The following PSMD14 variants were observed in gnomAD, a reference collection of about 807,000 sequenced individuals.
The protein encoded by PSMD14 is proteasome 26S subunit, non-ATPase 14, also known as ubiquitin C-terminal hydrolase PSMD14.
Under a neutral mutation model 41.2 loss-of-function variants are expected in PSMD14, and 7 were observed. The observed-to-expected ratio is 0.17, with a 90% CI of 0.10 to 0.32. PSMD14 has a LOEUF of 0.32. Ranked by LOEUF, PSMD14 falls within the 10% of genes least tolerant of loss-of-function variation. PSMD14 has a pLI of 1.00. For missense variants in PSMD14, 139 were observed against 375.6 expected (o/e 0.37, Z 5.21); for synonymous variants, 114 against 122.3 (o/e 0.93, Z 0.45).
At chr2:161,362,241 A>G (rs142676427) in intron 3 of PSMD14, among the ~76,000 whole-genome samples, 95 of 112,506 alleles carry the variant, frequency 8.4e-4, no homozygotes, top group African/African-American at 3.2e-3. Context: ...AAAGTTGTTC[A>G]AAAAACTAAT....
chr2:161,317,819 A>C (rs1337047665), intron 2 of PSMD14, among the ~76,000 whole-genome samples: 1 of 152,230 alleles, frequency 6.6e-6, no homozygotes, highest in Non-Finnish European at 1.5e-5. Context: ...ATAATTTGTA[A>C]TAATACCATT....
At chr2:161,404,442 A>C (rs1249336859) in intron 10 of PSMD14, among the ~76,000 whole-genome samples, 1 of 152,146 alleles carries the variant, frequency 6.6e-6, no homozygotes, top group Non-Finnish European at 1.5e-5. Flanking sequence ...TATAAACTAA[A>C]ATTTAAGGAA....
chr2:161,369,422 GC>G (rs1442323000), intron 5 of PSMD14, among the ~76,000 whole-genome samples: 1 of 151,910 alleles, frequency 6.6e-6, no homozygotes, highest in Non-Finnish European at 1.5e-5. Context: ...AACATTCTTA[GC>G]CTATAAGCAG....
chr2:161,324,988 C>T (rs1461716798), intron 3 of PSMD14, among the ~76,000 whole-genome samples: 1 of 152,034 alleles, frequency 6.6e-6, no homozygotes, highest in Non-Finnish European at 1.5e-5. Context: ...CTCTTTTAGC[C>T]AGGTCCATTA....
Position 161,391,153 on chromosome 2 carries a change from A to G in PSMD14, c.620A>G (p.Tyr207Cys). 1 of 1,536,238 alleles carries G rather than the reference A, an allele frequency of 6.5e-7. No individual in the cohort carries two copies. The highest frequency in any genetic ancestry group is 2.0e-5 in the Admixed American group (1 of 49,048). Residue 207 changes from tyrosine to cysteine, a missense_variant, in exon 9 of 12, where the codon TAT becomes TGT. By Grantham distance (194) the Tyr-to-Cys change is radical. Coordinates refer to ENST00000409682, the MANE Select transcript of PSMD14 (RefSeq NM_005805.6). ...NRHYYSITIN[Y>C]RKNELEQKML... ...CATTATTACTCCATTACTATTAACTATCGGAAAAATGAACTGGAACAGAAG... is the reference window on the plus strand; with the variant it reads ...CATTATTACTCCATTACTATTAACTGTCGGAAAAATGAACTGGAACAGAAG...
chr2:161,339,635 C>T (rs1231115249), intron 3 of PSMD14, among the ~76,000 whole-genome samples: 3 of 151,972 alleles, frequency 2.0e-5, no homozygotes, highest in African/African-American at 7.3e-5. Context: ...TCCAGACAAA[C>T]CTAGATAGCT....
At chr2:161,393,516 C>T (rs1267149214) in intron 9 of PSMD14, among the ~76,000 whole-genome samples, 14 of 152,074 alleles carry the variant, frequency 9.2e-5, no homozygotes, top group Admixed American at 9.2e-4. Context: ...TGACAGGCAG[C>T]TTATTTTCCA....
chr2:161,364,961 T>G (rs527611868), intron 3 of PSMD14, among the ~76,000 whole-genome samples: 1 of 152,102 alleles, frequency 6.6e-6, no homozygotes, highest in African/African-American at 2.4e-5. Context: ...AAAATCAGCC[T>G]GGCGTGGTGA....
At chr2:161,363,229 C>G (rs1683314270) in intron 3 of PSMD14, among the ~76,000 whole-genome samples, 1 of 152,204 alleles carries the variant, frequency 6.6e-6, no homozygotes, top group Non-Finnish European at 1.5e-5. Flanking sequence ...AAACCATCCT[C>G]CCTGCCCCAA....
At chr2:161,406,591 A>C (rs2105273251) in intron 10 of PSMD14, among the ~76,000 whole-genome samples, 1 of 152,320 alleles carries the variant, frequency 6.6e-6, no homozygotes, top group South Asian at 2.1e-4. Flanking sequence ...GATGAGATAC[A>C]GGTAACTTGG....
chr2:161,362,321 T>C (rs1171418189), intron 3 of PSMD14, among the ~76,000 whole-genome samples: 1 of 152,236 alleles, frequency 6.6e-6, no homozygotes. Flanking sequence ...ATAGAGCATA[T>C]TGTATACTTC....
intron 1 of PSMD14, among the ~76,000 whole-genome samples, chr2:161,310,028 G>A (rs567643496): frequency 4.1e-4 from 62 of 152,258 alleles, no homozygotes; most frequent in African/African-American, 1.4e-3. Flanking sequence ...GGGCATGGTG[G>A]CACGTGCCTG....
At chr2:161,325,388 T>C (rs566756104) in intron 3 of PSMD14, among the ~76,000 whole-genome samples, 19 of 152,344 alleles carry the variant, frequency 1.2e-4, no homozygotes, top group Admixed American at 1.2e-3. Context: ...GGATTTTTTG[T>C]ATATTCACTA....
At chr2:161,384,365 CAGTAATACTTATT>C in intron 7 of PSMD14, 1 of 151,712 alleles carries the variant, frequency 6.6e-6, no homozygotes, top group East Asian at 1.9e-4. Context: ...ATACAGCATA[CAGTAATACTTATT>C]ACAAGCAGAA....
intron 3 of PSMD14, among the ~76,000 whole-genome samples, chr2:161,343,378 T>C (rs1682994961): frequency 6.6e-6 from 1 of 152,242 alleles, no homozygotes; most frequent in Admixed American, 6.5e-5. Context: ...TGTTGTAGTA[T>C]GTGTCAGAAT....
chr2:161,333,281 A>T (rs973283541), intron 3 of PSMD14, among the ~76,000 whole-genome samples: 14 of 152,124 alleles, frequency 9.2e-5, no homozygotes, highest in African/African-American at 3.4e-4. Context: ...ATGTGATTAG[A>T]TGTTAGAGTC....
rs566520940 is a variant in PSMD14 at position 161,340,045 on chromosome 2, A to G, written c.48+21172A>G. On this transcript the variant is annotated intron_variant, in intron 3 of 11. Coordinates refer to ENST00000409682, the MANE Select transcript of PSMD14 (RefSeq NM_005805.6). ...ATCTGAAGTTCTAACTAATCTATCAAACTTTCTAAGAAAAGGCATAGGTCA... is the reference window on the plus strand; with the variant it reads ...ATCTGAAGTTCTAACTAATCTATCAGACTTTCTAAGAAAAGGCATAGGTCA... 6.6e-5 allele frequency among the ~76,000 whole-genome samples: 10 copies of G among 152,346 alleles called. 1 individual carries two copies. Among genetic ancestry groups the G allele is most frequent in the South Asian group, 6.2e-4 (3 of 4,818 alleles).
chr2:161,411,631 G>A lies in PSMD14; in HGVS notation c.*231G>A, dbSNP rs1684027301. 2 of 276,562 alleles carry A rather than the reference G, an allele frequency of 7.2e-6. No individual in the cohort carries two copies. The highest frequency in any genetic ancestry group is 1.3e-5 in the Non-Finnish European group (2 of 148,896). 17.1% of individuals were successfully genotyped at this position (276,562 alleles called of 1,614,324 possible). A position where few individuals can be genotyped will look rare whatever the true frequency, so the allele number is the denominator to read the frequency against. On this transcript the variant is annotated 3_prime_UTR_variant, in exon 12 of 12. Coordinates refer to ENST00000409682, the MANE Select transcript of PSMD14 (RefSeq NM_005805.6). The stretch of plus-strand genomic sequence containing the variant: ...GAATACATCAAAGTGGACAAATTTT[G>A]TTAAGATCCCATTTAATATTTGAAA...
chr2:161,360,193 T>TC (rs1198317812), intron 3 of PSMD14, among the ~76,000 whole-genome samples: 2 of 146,336 alleles, frequency 1.4e-5, no homozygotes, highest in African/African-American at 2.5e-5. Context: ...ATGCATGTAT[T>TC]TTTTTTTTTT....
Sources: allele counts gnomAD v4.1 joint callset (sites outside exome capture counted in the v4.1 genomes callset), GRCh38; gene constraint gnomAD v4.1.1; transcripts MANE v1.5; gene names NCBI Gene and HGNC (gene_info 2026-07-23, HGNC 2026-07-21).